TRPM3: variants seen among roughly 807,000 people sequenced by gnomAD.
TRPM3 encodes the protein long transient receptor potential channel 3.
In TRPM3, 77 loss-of-function variants were observed where a neutral mutation model predicts 181.2. The observed-to-expected ratio is 0.42, with a 90% confidence interval of 0.35 to 0.51. The LOEUF is 0.51. Ranked by LOEUF, TRPM3 falls within the 20% of genes least tolerant of loss-of-function variation. The probability of loss-of-function intolerance (pLI) is 0.01; values close to 1 mark genes in which losing one functional copy is unlikely to be tolerated. For missense variants in TRPM3, 1,759 were observed against 2,196.7 expected (o/e 0.80, Z 3.98); for synonymous variants, 745 against 796.4 (o/e 0.94, Z 1.09).
intron 1 of TRPM3, among the ~76,000 whole-genome samples, chr9:71,417,969 A>G (rs182183918): frequency 8.1e-4 from 123 of 152,080 alleles, no homozygotes; most frequent in African/African-American, 2.7e-3. Flanking sequence ...TAAAAAGACT[A>G]AAAACCTTTC....
rs77734207 is a variant in TRPM3, at chr9:71,132,782, A to C, written c.184-268271T>G. The stretch of plus-strand genomic sequence containing the variant: ...CCAAGTATTTTAAAAATTATACTTC[A>C]TATACAGTTTAATACACTTATTTTA... On this transcript the variant is annotated intron_variant, in intron 1 of 24. Transcript: ENST00000357533. Among the ~76,000 whole-genome samples, 304 of 152,308 alleles carry C rather than the reference A, an allele frequency of 2.0e-3. 6 individuals carry two copies. In the East Asian group the frequency reaches 0.032, roughly 16 times the overall value.
At chr9:71,406,444 T>C (rs1293933054) in intron 1 of TRPM3, among the ~76,000 whole-genome samples, 1 of 152,174 alleles carries the variant, frequency 6.6e-6, no homozygotes, top group African/African-American at 2.4e-5. Context: ...AGATAAGTGT[T>C]GCCAATCTCA....
At chr9:70,952,406 C>G (rs1031621330) in intron 1 of TRPM3, among the ~76,000 whole-genome samples, 5 of 152,170 alleles carry the variant, frequency 3.3e-5, no homozygotes, top group Non-Finnish European at 5.9e-5. Flanking sequence ...ATTACATAAG[C>G]AGAAGACTTC....
intron 1 of TRPM3, among the ~76,000 whole-genome samples, chr9:71,233,444 G>A (rs2081187696): frequency 6.6e-6 from 1 of 152,050 alleles, no homozygotes; most frequent in African/African-American, 2.4e-5. Context: ...TCAATTCTTG[G>A]TATAGGTATT....
At chr9:71,358,096 C>T (rs913394769) in intron 1 of TRPM3, among the ~76,000 whole-genome samples, 5 of 152,136 alleles carry the variant, frequency 3.3e-5, no homozygotes, top group African/African-American at 1.2e-4. Flanking sequence ...AACCTACATA[C>T]TGACTAGAAT....
chr9:70,552,117 T>C (rs536032095), intron 24 of TRPM3, among the ~76,000 whole-genome samples: 41 of 152,260 alleles, frequency 2.7e-4, no homozygotes, highest in Middle Eastern at 6.8e-3. Flanking sequence ...TGAGAAACCA[T>C]AGGAGCTTGC....
intron 21 of TRPM3, among the ~76,000 whole-genome samples, chr9:70,598,076 C>T (rs1394064955): frequency 6.6e-6 from 1 of 152,134 alleles, no homozygotes; most frequent in Non-Finnish European, 1.5e-5. Context: ...CAGCATTTTT[C>T]ACATGGTGTG....
intron 1 of TRPM3, among the ~76,000 whole-genome samples, chr9:71,160,658 C>T (rs1406398257): frequency 1.3e-5 from 2 of 152,080 alleles, no homozygotes; most frequent in African/African-American, 4.8e-5. Context: ...TGAGGCCTTC[C>T]TAGATTCCAC....
intron 1 of TRPM3, among the ~76,000 whole-genome samples, chr9:71,434,662 A>G (rs924555774): frequency 1.2e-4 from 19 of 152,224 alleles, no homozygotes; most frequent in Non-Finnish European, 2.2e-4. Flanking sequence ...TTTTCAGCTC[A>G]GAATTTTCTA....
intron 17 of TRPM3, among the ~76,000 whole-genome samples, chr9:70,617,901 G>A (rs1336479037): frequency 3.3e-5 from 5 of 152,140 alleles, no homozygotes; most frequent in African/African-American, 7.2e-5. Context: ...GGAGGTGGAC[G>A]TTGCAGTGAG....
At chr9:70,940,780 G>A (rs941826374) in intron 1 of TRPM3, among the ~76,000 whole-genome samples, 1 of 152,120 alleles carries the variant, frequency 6.6e-6, no homozygotes, top group Admixed American at 6.5e-5. Context: ...GTGGAGGGAA[G>A]GAGAAGGTTT....
intron 7 of TRPM3, among the ~76,000 whole-genome samples, chr9:70,772,544 A>G (rs2080518022): frequency 6.6e-6 from 1 of 152,132 alleles, no homozygotes; most frequent in African/African-American, 2.4e-5. Context: ...GCTGGTCTCG[A>G]ACTCCTGAGC....
intron 1 of TRPM3, among the ~76,000 whole-genome samples, chr9:71,051,350 C>T (rs1047006147): frequency 2.6e-5 from 4 of 152,160 alleles, no homozygotes; most frequent in Non-Finnish European, 5.9e-5. Flanking sequence ...TACTAAATCA[C>T]ATTCATTATC....
intron 1 of TRPM3, among the ~76,000 whole-genome samples, chr9:71,300,985 T>C (rs928224333): frequency 2.0e-5 from 3 of 152,152 alleles, no homozygotes; most frequent in African/African-American, 7.2e-5. Context: ...TGTGCTAGAT[T>C]CCATGCTATT....
chr9:71,285,838 G>T (rs1259027521), intron 1 of TRPM3, among the ~76,000 whole-genome samples: 1 of 152,098 alleles, frequency 6.6e-6, no homozygotes, highest in Non-Finnish European at 1.5e-5. Flanking sequence ...GACTCCCCTT[G>T]ACCAATCACT....
At chr9:71,123,636 A>G (rs1209981524), upstream of TRPM3, among the ~76,000 whole-genome samples, 1 of 152,218 alleles carries the variant, frequency 6.6e-6, no homozygotes, top group African/African-American at 2.4e-5. Context: ...ACAAATTAAA[A>G]CTGAATGCTT....
chr9:71,397,973 A>G (rs2093240558), intron 1 of TRPM3, among the ~76,000 whole-genome samples: 1 of 152,148 alleles, frequency 6.6e-6, no homozygotes, highest in Non-Finnish European at 1.5e-5. Flanking sequence ...ACAACCATGT[A>G]CCCTCCTGGC....
chr9:70,946,845 T>C (rs1381116833), intron 1 of TRPM3, among the ~76,000 whole-genome samples: 13 of 152,164 alleles, frequency 8.5e-5, no homozygotes, highest in South Asian at 2.1e-4. Context: ...GTATAATCTA[T>C]TGCGTCTTGC....
At chr9:71,089,264 A>G (rs1034297967) in intron 1 of TRPM3, among the ~76,000 whole-genome samples, 4 of 150,264 alleles carry the variant, frequency 2.7e-5, no homozygotes, top group Admixed American at 1.3e-4. Context: ...TATAGTCTCT[A>G]TATCACTATA....
Sources: gnomAD v4.1 joint callset for allele counts (sites outside exome capture counted in the v4.1 genomes callset) on GRCh38, gnomAD v4.1.1 for gene constraint, MANE v1.5 for transcripts, NCBI Gene and HGNC (gene_info 2026-07-23, HGNC 2026-07-21) for gene names.